Variants in KIAA1958 observed in about 807,000 individuals in gnomAD.
KIAA1958 encodes the protein KIAA1958, also known as uncharacterized protein KIAA1958.
Under a neutral mutation model 47.2 loss-of-function variants are expected in KIAA1958, and 14 were observed. The observed-to-expected ratio is 0.30, with a 90% CI of 0.20 to 0.46. The LOEUF is 0.46. KIAA1958 is among the 20% of genes least tolerant of loss of function. KIAA1958 has a pLI of 1.00. For missense variants in KIAA1958, 803 were observed against 909.2 expected, an observed-to-expected ratio of 0.88 and a Z score of 1.50; for synonymous variants, 354 against 353.3, an observed-to-expected ratio of 1.00 and a Z score of -0.02.
At chr9:112,567,863 C>G (rs1387902445) in intron 1 of KIAA1958, among the ~76,000 whole-genome samples, 1 of 145,716 alleles carries the variant, frequency 6.9e-6, no homozygotes, top group Non-Finnish European at 1.5e-5. Context: ...GAGGCTGAGG[C>G]AGGAGAATGG....
intron 2 of KIAA1958, among the ~76,000 whole-genome samples, chr9:112,613,148 G>A (rs1020965070): frequency 2.6e-5 from 4 of 152,172 alleles, no homozygotes; most frequent in African/African-American, 9.7e-5. Context: ...GGGTTGAGAT[G>A]AGCAGGTGCC....
At chr9:112,519,853 T>G (rs1047470283) in intron 1 of KIAA1958, among the ~76,000 whole-genome samples, 2 of 152,220 alleles carry the variant, frequency 1.3e-5, no homozygotes, top group African/African-American at 4.8e-5. Flanking sequence ...CCCCAGTAGA[T>G]TATATTCATG....
chr9:112,549,141 G>A (rs1835095079), intron 1 of KIAA1958, among the ~76,000 whole-genome samples: 1 of 152,190 alleles, frequency 6.6e-6, no homozygotes, highest in Non-Finnish European at 1.5e-5. Flanking sequence ...AGATTATATA[G>A]TGTTTAGTTT....
At chr9:112,488,390 T>C (rs1190686094) in intron 1 of KIAA1958, among the ~76,000 whole-genome samples, 1 of 152,242 alleles carries the variant, frequency 6.6e-6, no homozygotes, top group Non-Finnish European at 1.5e-5. Flanking sequence ...CTGTGTATTG[T>C]AGATACTCAA....
intron 1 of KIAA1958, among the ~76,000 whole-genome samples, chr9:112,511,123 G>C (rs1310397478): frequency 6.6e-6 from 1 of 152,140 alleles, no homozygotes; most frequent in African/African-American, 2.4e-5. Flanking sequence ...GGGGCAAAAG[G>C]AATTGGAGAT....
At chr9:112,534,451 C>T (rs909835164) in intron 1 of KIAA1958, among the ~76,000 whole-genome samples, 1 of 152,014 alleles carries the variant, frequency 6.6e-6, no homozygotes, top group Non-Finnish European at 1.5e-5. Flanking sequence ...TTTTCAAATA[C>T]ATTTTGTGAG....
chr9:112,522,602 T>C (rs3860167), intron 1 of KIAA1958, among the ~76,000 whole-genome samples: 145,471 of 152,316 alleles, frequency 0.96, 69,543 homozygotes, highest in African/African-American at 0.99. Context: ...TTGATATATG[T>C]GATCATTCTC....
chr9:112,495,232 T>C (rs1211676186), intron 1 of KIAA1958, among the ~76,000 whole-genome samples: 1 of 152,204 alleles, frequency 6.6e-6, no homozygotes. Flanking sequence ...ATTCCTCTTA[T>C]TCCTTTTGAA....
At chr9:112,503,045 T>C (rs1436096205) in intron 1 of KIAA1958, among the ~76,000 whole-genome samples, 1 of 152,140 alleles carries the variant, frequency 6.6e-6, no homozygotes, top group Admixed American at 6.5e-5. Context: ...CTTGCCCTCA[T>C]AGAGCTTAAA....
intron 2 of KIAA1958, among the ~76,000 whole-genome samples, chr9:112,583,207 G>C (rs140296701): frequency 3.0e-4 from 45 of 152,302 alleles, no homozygotes; most frequent in Non-Finnish European, 5.7e-4. Flanking sequence ...AGCAAGGGCA[G>C]TCCTGTGACC....
At chr9:112,496,302 A>G (rs1834050631) in intron 1 of KIAA1958, among the ~76,000 whole-genome samples, 1 of 152,218 alleles carries the variant, frequency 6.6e-6, no homozygotes, top group Non-Finnish European at 1.5e-5. Flanking sequence ...ATGTTGAGCT[A>G]AAGAAGCCAG....
chr9:112,613,248 G>T (rs1175900406), intron 2 of KIAA1958, among the ~76,000 whole-genome samples: 1 of 152,002 alleles, frequency 6.6e-6, no homozygotes, highest in East Asian at 1.9e-4. Flanking sequence ...AAATCAAATG[G>T]ATCATGATCC....
intron 1 of KIAA1958, among the ~76,000 whole-genome samples, chr9:112,537,661 T>G (rs1834878812): frequency 6.6e-6 from 1 of 152,212 alleles, no homozygotes; most frequent in African/African-American, 2.4e-5. Flanking sequence ...GACAAAGATA[T>G]GGAGCAACAG....
At chr9:112,546,738 C>A (rs1427962640) in intron 1 of KIAA1958, among the ~76,000 whole-genome samples, 4 of 152,082 alleles carry the variant, frequency 2.6e-5, no homozygotes, top group African/African-American at 9.7e-5. Flanking sequence ...TTATGTTTCT[C>A]AGAGTTCTAT....
chr9:112,660,244 A>G lies in KIAA1958; in HGVS notation c.*175A>G. The G allele has an allele frequency of 1.7e-6, 1 of 603,286 alleles. No individual in the cohort carries two copies. The highest frequency in any genetic ancestry group is 2.9e-6 in the Non-Finnish European group (1 of 339,602). 37.4% of individuals were successfully genotyped at this position (603,286 alleles called of 1,614,324 possible). ...GGGGTTTGCTTTTTAAAATGAAACT[A>G]GATGAGTCTAAATCATTCGGATGGT... On this transcript the variant is annotated 3_prime_UTR_variant, in exon 4 of 4. Transcript: ENST00000337530.
At chr9:112,505,400 G>A (rs370340535) in intron 1 of KIAA1958, among the ~76,000 whole-genome samples, 15 of 152,182 alleles carry the variant, frequency 9.9e-5, no homozygotes, top group African/African-American at 3.6e-4. Flanking sequence ...GGGTTGTCGT[G>A]AGGATTAGGT....
intron 1 of KIAA1958, among the ~76,000 whole-genome samples, chr9:112,515,080 T>TG (rs1169649956): frequency 2.2e-5 from 1 of 44,738 alleles, no homozygotes; most frequent in Non-Finnish European, 4.2e-5. Context: ...GGGAGGGAGG[T>TG]GGGGGGGGGT....
At chr9:112,525,010 G>T (rs1249689075) in intron 1 of KIAA1958, among the ~76,000 whole-genome samples, 1 of 139,962 alleles carries the variant, frequency 7.1e-6, no homozygotes, top group Non-Finnish European at 1.6e-5. Flanking sequence ...AGTGGCCTGA[G>T]AACCTAATAT....
chr9:112,643,931 A>C (rs1836934745), intron 2 of KIAA1958, among the ~76,000 whole-genome samples: 1 of 152,164 alleles, frequency 6.6e-6, no homozygotes. Flanking sequence ...TAATCCCAGC[A>C]CTTTGGGAGG....
Sources: gnomAD v4.1 joint callset for allele counts (sites outside exome capture counted in the v4.1 genomes callset) on GRCh38, gnomAD v4.1.1 for gene constraint, MANE v1.5 for transcripts, NCBI Gene and HGNC (gene_info 2026-07-23, HGNC 2026-07-21) for gene names.